The following HPSE2 variants were observed in gnomAD, a reference collection of about 807,000 sequenced individuals.
HPSE2 encodes inactive heparanase-2.
HPSE2 carries 38 observed loss-of-function variants against 60.5 expected under a neutral mutation model. The ratio of observed to expected loss-of-function variants is 0.63; its 90% confidence interval spans 0.48 to 0.82. HPSE2 has a LOEUF of 0.82. HPSE2 is among the 40% of genes least tolerant of loss of function. The probability of loss-of-function intolerance (pLI) is 0.00; values close to 1 mark genes in which losing one functional copy is unlikely to be tolerated. For synonymous variants in HPSE2, 295 were observed against 293.2 expected, an observed-to-expected ratio of 1.01 and a Z score of -0.06; for missense variants, 713 against 740.4, an observed-to-expected ratio of 0.96 and a Z score of 0.43.
chr10:99,049,281 G>A (rs1957934711), intron 3 of HPSE2, among the ~76,000 whole-genome samples: 1 of 151,946 alleles, frequency 6.6e-6, no homozygotes, highest in African/African-American at 2.4e-5. Flanking sequence ...ATTTATTCCA[G>A]TGTTTTAAAA....
the HPSE2 span, among the ~76,000 whole-genome samples, chr10:99,294,934 C>T: frequency 6.6e-6 from 1 of 151,628 alleles, no homozygotes; most frequent in Non-Finnish European, 1.5e-5. Context: ...CCAGCCTGGG[C>T]AACAGAGTGA....
chr10:98,961,468 T>C (rs1955678971), intron 3 of HPSE2, among the ~76,000 whole-genome samples: 2 of 45,950 alleles, frequency 4.4e-5, no homozygotes, highest in Admixed American at 4.5e-4. Flanking sequence ...ACAGTGGTTT[T>C]GATTTGCATT....
the HPSE2 span, among the ~76,000 whole-genome samples, chr10:99,283,487 C>G: frequency 6.9e-6 from 1 of 144,808 alleles, no homozygotes; most frequent in Non-Finnish European, 1.5e-5. Context: ...GGTGACACAG[C>G]AAGACCCTCA....
At chr10:98,597,527 C>T (rs1260368583) in intron 9 of HPSE2, among the ~76,000 whole-genome samples, 4 of 151,488 alleles carry the variant, frequency 2.6e-5, no homozygotes, top group African/African-American at 7.3e-5. Flanking sequence ...GAAAAATAGC[C>T]GGATGTGGTG....
rs529218870 is a variant in HPSE2 at position 98,806,913 on chromosome 10, G to A, written c.611-62857C>T. On this transcript the variant is annotated intron_variant, in intron 3 of 11. Coordinates refer to ENST00000370552, the MANE Select transcript of HPSE2 (RefSeq NM_021828.5). ...AATCCCAGCACTTTGGGAGGCCGAGGCAGGCGAATCACGAGGTCAGGAGTT... is the reference window on the plus strand; with the variant it reads ...AATCCCAGCACTTTGGGAGGCCGAGACAGGCGAATCACGAGGTCAGGAGTT... 8.9e-4 allele frequency among the ~76,000 whole-genome samples: 136 copies of A among 152,304 alleles called. 2 individuals carry two copies. The Middle Eastern group carries it at 0.027, about 30-fold the overall frequency.
intron 3 of HPSE2, among the ~76,000 whole-genome samples, chr10:98,770,892 G>A (rs1448321563): frequency 6.6e-6 from 1 of 152,172 alleles, no homozygotes; most frequent in Non-Finnish European, 1.5e-5. Flanking sequence ...AATGGGGTAG[G>A]TGAGCATGAA....
chr10:98,932,507 T>C (rs1256270788), intron 3 of HPSE2, among the ~76,000 whole-genome samples: 1 of 143,932 alleles, frequency 6.9e-6, no homozygotes, highest in Non-Finnish European at 1.5e-5. Flanking sequence ...GGGGAGTCCC[T>C]CCTTCACAAT....
At chr10:98,726,274 G>A (rs1192005050) in intron 4 of HPSE2, among the ~76,000 whole-genome samples, 2 of 152,062 alleles carry the variant, frequency 1.3e-5, no homozygotes, top group Non-Finnish European at 2.9e-5. Flanking sequence ...AGAAAATGTG[G>A]CACATATACA....
intron 9 of HPSE2, among the ~76,000 whole-genome samples, chr10:98,587,235 A>C (rs1215651208): frequency 6.6e-6 from 1 of 152,148 alleles, no homozygotes; most frequent in Non-Finnish European, 1.5e-5. Context: ...TGTCTCACTC[A>C]TTGTTTAGTG....
chr10:98,816,663 T>C (rs1374264176), intron 3 of HPSE2, among the ~76,000 whole-genome samples: 2 of 152,112 alleles, frequency 1.3e-5, no homozygotes, highest in South Asian at 2.1e-4. Context: ...AGCTAACCAA[T>C]TAGAAGAGGT....
chr10:99,020,368 A>G (rs1387793451), intron 3 of HPSE2, among the ~76,000 whole-genome samples: 1 of 152,218 alleles, frequency 6.6e-6, no homozygotes, highest in East Asian at 1.9e-4. Context: ...AAACAGACAT[A>G]GAAAGGTGAA....
intron 9 of HPSE2, among the ~76,000 whole-genome samples, chr10:98,571,133 T>C (rs537041051): frequency 6.6e-6 from 1 of 152,318 alleles, no homozygotes; most frequent in South Asian, 2.1e-4. Context: ...GAAATATTTC[T>C]AGAAAAGAAA....
intron 5 of HPSE2, among the ~76,000 whole-genome samples, chr10:98,694,468 C>G (rs484502): frequency 0.35 from 53,747 of 152,072 alleles, 9,736 homozygotes; most frequent in Admixed American, 0.41. Context: ...ACATCTGTCT[C>G]AGTGTAGAAA....
chr10:98,614,606 A>C (rs1015247244), intron 9 of HPSE2, among the ~76,000 whole-genome samples: 3 of 152,128 alleles, frequency 2.0e-5, no homozygotes, highest in African/African-American at 4.8e-5. Context: ...TTGTTAAAAC[A>C]ATAGTAATAA....
chr10:98,756,343 T>C (rs891226220), intron 3 of HPSE2, among the ~76,000 whole-genome samples: 4 of 151,924 alleles, frequency 2.6e-5, no homozygotes, highest in East Asian at 1.9e-4. Flanking sequence ...CTGAATGAAA[T>C]TGAGATGTGA....
intron 2 of HPSE2, among the ~76,000 whole-genome samples, chr10:99,183,404 G>A (rs941753127): frequency 5.9e-5 from 9 of 152,118 alleles, no homozygotes; most frequent in African/African-American, 2.2e-4. Flanking sequence ...GGATAAACAT[G>A]GAAACTGACC....
intron 3 of HPSE2, among the ~76,000 whole-genome samples, chr10:98,870,823 A>G (rs1287062385): frequency 6.6e-6 from 1 of 152,020 alleles, no homozygotes; most frequent in Non-Finnish European, 1.5e-5. Context: ...TTGGTAGGAC[A>G]AGTGGTTGAA....
At chr10:98,720,356 A>C (rs777221851) in intron 5 of HPSE2, among the ~76,000 whole-genome samples, 2 of 152,182 alleles carry the variant, frequency 1.3e-5, no homozygotes, top group Non-Finnish European at 2.9e-5. Context: ...ATAAGAGGAA[A>C]CATAAGGATT....
intron 11 of HPSE2, among the ~76,000 whole-genome samples, chr10:98,467,538 G>A (rs1033402406): frequency 5.3e-5 from 8 of 152,152 alleles, no homozygotes; most frequent in Admixed American, 1.3e-4. Context: ...GGAGAGATAA[G>A]TCCGACTGTG....
Sources: allele counts gnomAD v4.1 joint callset (sites outside exome capture counted in the v4.1 genomes callset), GRCh38; gene constraint gnomAD v4.1.1; transcripts MANE v1.5; gene names NCBI Gene and HGNC (gene_info 2026-07-23, HGNC 2026-07-21).